Variants in HSD17B11 observed in about 807,000 individuals in gnomAD.
The protein encoded by HSD17B11 is estradiol 17-beta-dehydrogenase 11.
A neutral mutation model predicts 27.8 loss-of-function variants in HSD17B11; 22 were observed. The observed-to-expected ratio is 0.79, with a 90% CI of 0.56 to 1.13. The LOEUF (loss-of-function observed/expected upper bound fraction) is 1.13. HSD17B11 is among the 50% of genes most tolerant of loss of function. HSD17B11 has a pLI of 0.00. For missense variants in HSD17B11, 314 were observed against 351.1 expected (o/e 0.89, Z 0.84); for synonymous variants, 117 against 132.8 (o/e 0.88, Z 0.82).
chr4:87,344,269 T>C (rs1735226744), intron 5 of HSD17B11, among the ~76,000 whole-genome samples: 2 of 152,228 alleles, frequency 1.3e-5, no homozygotes, highest in Admixed American at 6.5e-5. Flanking sequence ...AATTGTGTTA[T>C]ATATATTACA....
chr4:87,355,875 GC>G (rs1735373457), intron 5 of HSD17B11, among the ~76,000 whole-genome samples: 1 of 142,106 alleles, frequency 7.0e-6, no homozygotes, highest in Admixed American at 7.3e-5. Flanking sequence ...CTGCACTCCA[GC>G]CTGGGCAACA....
intron 4 of HSD17B11, among the ~76,000 whole-genome samples, chr4:87,360,168 C>G (rs1214236385): frequency 6.6e-6 from 1 of 152,000 alleles, no homozygotes; most frequent in Non-Finnish European, 1.5e-5. Flanking sequence ...TATTTCACCT[C>G]ATATAATTGA....
At chr4:87,362,060 G>C (rs1735527170) in intron 4 of HSD17B11, among the ~76,000 whole-genome samples, 1 of 152,198 alleles carries the variant, frequency 6.6e-6, no homozygotes, top group South Asian at 2.1e-4. Context: ...TGAGTAAGTG[G>C]GGTGCCTACA....
At chr4:87,378,305 T>G (rs1735884944) in intron 2 of HSD17B11, among the ~76,000 whole-genome samples, 1 of 152,188 alleles carries the variant, frequency 6.6e-6, no homozygotes, top group African/African-American at 2.4e-5. Context: ...CCCCAGGATA[T>G]GAATGTCTGT....
intron 4 of HSD17B11, among the ~76,000 whole-genome samples, chr4:87,362,952 C>T (rs1010789464): frequency 7.9e-5 from 12 of 152,092 alleles, no homozygotes; most frequent in African/African-American, 2.9e-4. Context: ...TTTCTCAGGG[C>T]GACCTTCTTG....
chr4:87,340,380 A>T, intron 6 of HSD17B11, 110 bp downstream of exon 6: 1 of 637,508 alleles, frequency 1.6e-6, no homozygotes, highest in Non-Finnish European at 2.6e-6. Flanking sequence ...TATTAAGTCA[A>T]TTCCATTTAA....
chr4:87,337,591 G>A (rs768539748), intron 6 of HSD17B11, among the ~76,000 whole-genome samples: 23 of 152,104 alleles, frequency 1.5e-4, no homozygotes, highest in Admixed American at 8.5e-4. Context: ...ATAACCTGAA[G>A]TAGTCAGTTT....
intron 3 of HSD17B11, among the ~76,000 whole-genome samples, chr4:87,373,502 G>C (rs563882986): frequency 2.0e-5 from 3 of 152,164 alleles, no homozygotes; most frequent in South Asian, 2.1e-4. Flanking sequence ...TCGAACCCAG[G>C]AGCTCGAGAT....
chr4:87,338,826 C>T (rs10028111), intron 6 of HSD17B11, among the ~76,000 whole-genome samples: 18,169 of 152,242 alleles, frequency 0.12, 1,239 homozygotes, highest in East Asian at 0.31. Context: ...CGTGAGCCAC[C>T]GTGCCCAGCC....
intron 1 of HSD17B11, among the ~76,000 whole-genome samples, chr4:87,383,379 A>AT (rs1406845209): frequency 1.3e-5 from 2 of 152,200 alleles, no homozygotes; most frequent in Non-Finnish European, 2.9e-5. Flanking sequence ...GAAGAAAAAA[A>AT]CTGAGAGGCA....
intron 5 of HSD17B11, among the ~76,000 whole-genome samples, chr4:87,352,909 T>C (rs1735312012): frequency 1.2e-5 from 1 of 84,676 alleles, no homozygotes; most frequent in South Asian, 3.6e-4. Context: ...ACCCCTTTCT[T>C]TGACTCGGAA....
intron 4 of HSD17B11, among the ~76,000 whole-genome samples, chr4:87,359,229 C>G (rs541325486): frequency 1.3e-5 from 2 of 152,202 alleles, no homozygotes; most frequent in African/African-American, 4.8e-5. Context: ...GGGACTAATA[C>G]AGAAGGCTTA....
chr4:87,391,036 G>T lies in HSD17B11; in HGVS notation c.35C>A (p.Pro12Gln), dbSNP rs779368431. The change falls in exon 1 of 7, where the codon CCG (proline) becomes CAG (glutamine). Residue 12 changes from proline to glutamine, a missense_variant. By Grantham distance (76) the Pro-to-Gln change is moderately conservative. Transcript: ENST00000358290. ...KFLLDILLLL[P>Q]LLIVCSLESF... is the part of the protein sequence containing the mutation. Reference sequence around the variant, plus strand: ...CTCTAGGGAGCAGACGATCAGTAACGGGAGAAGCAGGAGGATGTCCAGAAG... The same window carrying T: ...CTCTAGGGAGCAGACGATCAGTAACTGGAGAAGCAGGAGGATGTCCAGAAG... 1 of 1,613,870 alleles carries T rather than the reference G, an allele frequency of 6.2e-7. No individual in the cohort carries two copies. The highest frequency in any genetic ancestry group is 1.1e-5 in the South Asian group (1 of 91,074).
chr4:87,368,283 CTCCAGCCTG>C (rs1411365352), intron 4 of HSD17B11, among the ~76,000 whole-genome samples: 1 of 152,124 alleles, frequency 6.6e-6, no homozygotes, highest in African/African-American at 2.4e-5. Flanking sequence ...CACCACTGCA[CTCCAGCCTG>C]GGTGACAGAG....
intron 2 of HSD17B11, among the ~76,000 whole-genome samples, chr4:87,379,015 T>C (rs1173877381): frequency 2.8e-4 from 37 of 132,974 alleles, no homozygotes; most frequent in African/African-American, 9.6e-4. Context: ...TGGGGTGCAG[T>C]GGCATGATCT....
intron 4 of HSD17B11, among the ~76,000 whole-genome samples, chr4:87,372,191 C>T (rs1484311238): frequency 3.5e-5 from 5 of 144,858 alleles, no homozygotes; most frequent in African/African-American, 1.3e-4. Context: ...TGCAGTGAGC[C>T]GAGATTGCGC....
intron 5 of HSD17B11, among the ~76,000 whole-genome samples, chr4:87,341,521 C>T (rs1258096387): frequency 6.6e-6 from 1 of 152,068 alleles, no homozygotes; most frequent in Non-Finnish European, 1.5e-5. Context: ...TGTAATCACT[C>T]AAGTATATGT....
chr4:87,358,418 ATTTT>A (rs1167508237), intron 4 of HSD17B11, among the ~76,000 whole-genome samples: 19 of 152,182 alleles, frequency 1.2e-4, no homozygotes, highest in African/African-American at 4.3e-4. Context: ...CAAAGCGTTT[ATTTT>A]AACAGCTCTT....
At chr4:87,380,485 A>AG (rs1469709077) in intron 2 of HSD17B11, among the ~76,000 whole-genome samples, 1,186 of 39,582 alleles carry the variant, frequency 0.03, 23 homozygotes, top group African/African-American at 0.074. Flanking sequence ...AAAAAAAAAA[A>AG]AAAGAAAAAA....
Sources: allele counts gnomAD v4.1 joint callset (sites outside exome capture counted in the v4.1 genomes callset), GRCh38; gene constraint gnomAD v4.1.1; transcripts MANE v1.5; gene names NCBI Gene and HGNC (gene_info 2026-07-23, HGNC 2026-07-21).